Variants in NME7 observed in about 807,000 individuals in gnomAD.
NME7 encodes NME/NM23 family member 7, also known as nucleoside diphosphate kinase 7.
In NME7, 41 loss-of-function variants were observed where a neutral mutation model predicts 49.1. The observed-to-expected ratio is 0.83, with a 90% confidence interval of 0.65 to 1.08. The LOEUF (loss-of-function observed/expected upper bound fraction) is 1.08. Among genes scored for constraint, NME7 ranks in the 50% least tolerant of loss-of-function variants. The probability of loss-of-function intolerance (pLI) is 0.00; values close to 1 mark genes in which losing one functional copy is unlikely to be tolerated. For missense variants in NME7, 423 were observed against 463.4 expected, an observed-to-expected ratio of 0.91 and a Z score of 0.80; for synonymous variants, 139 against 150.6, an observed-to-expected ratio of 0.92 and a Z score of 0.56.
At chr1:169,137,548 C>T (rs1057303640) in intron 11 of NME7, among the ~76,000 whole-genome samples, 6 of 152,204 alleles carry the variant, frequency 3.9e-5, no homozygotes, top group African/African-American at 1.4e-4. Flanking sequence ...CCTGTGATGG[C>T]GCTCTGCAGC....
At chr1:169,288,664 C>A (rs1231980379) in intron 6 of NME7, among the ~76,000 whole-genome samples, 1 of 152,090 alleles carries the variant, frequency 6.6e-6, no homozygotes, top group Admixed American at 6.5e-5. Flanking sequence ...AGTGTATACA[C>A]CTGAGCATTT....
intron 1 of NME7, among the ~76,000 whole-genome samples, chr1:169,328,371 T>C (rs1652140487): frequency 6.6e-6 from 1 of 152,192 alleles, no homozygotes; most frequent in African/African-American, 2.4e-5. Flanking sequence ...TTCTGTTGCC[T>C]ATGTCTCCCA....
intron 7 of NME7, among the ~76,000 whole-genome samples, chr1:169,240,671 T>C (rs1421674272): frequency 6.6e-6 from 1 of 152,038 alleles, no homozygotes; most frequent in Non-Finnish European, 1.5e-5. Context: ...ATTTGGCAAA[T>C]ACCAGCTCAC....
intron 10 of NME7, among the ~76,000 whole-genome samples, chr1:169,207,140 G>A (rs1219794799): frequency 6.6e-6 from 1 of 152,128 alleles, no homozygotes; most frequent in Non-Finnish European, 1.5e-5. Context: ...TCTACTCATG[G>A]TGGAAGGTGA....
rs1463306379 is a variant in NME7, at chr1:169,274,199, C to T, written c.754+13104G>A. ...GGTATGTCATTGTGGTTTTGATTTG[C>T]ATTTCTCTGATGGCCAGTGATGATG... On this transcript the variant is annotated intron_variant, in intron 7 of 11. Coordinates refer to ENST00000367811, the MANE Select transcript of NME7 (RefSeq NM_013330.5). Among the ~76,000 whole-genome samples, 2 of 133,480 alleles carry T rather than the reference C, an allele frequency of 1.5e-5. 1 individual carries two copies. Among genetic ancestry groups the T allele is most frequent in the African/African-American group, 5.1e-5 (2 of 39,426 alleles). 87.6% of individuals were successfully genotyped at this position (133,480 alleles called of 152,430 possible).
At chr1:169,153,430 C>T (rs1271636455) in intron 11 of NME7, among the ~76,000 whole-genome samples, 1 of 152,100 alleles carries the variant, frequency 6.6e-6, no homozygotes, top group Admixed American at 6.6e-5. Flanking sequence ...CTCAATGTCT[C>T]CTAAAACCAG....
In NME7 at chr1:169,367,724, C is replaced by T; in HGVS notation, c.-14G>A. ...GGCACTCACCATTGTCTCAGGATCTCAGCACTAGAAAATAGGTATCGTTGA... is the reference window on the plus strand; with the variant it reads ...GGCACTCACCATTGTCTCAGGATCTTAGCACTAGAAAATAGGTATCGTTGA... On this transcript the variant is annotated 5_prime_UTR_variant, in exon 1 of 12. Transcript: ENST00000367811. 6.2e-7 allele frequency: 1 copy of T among 1,614,148 alleles called. No homozygotes were observed. The highest frequency in any genetic ancestry group is 8.5e-7 in the Non-Finnish European group (1 of 1,180,010).
intron 6 of NME7, among the ~76,000 whole-genome samples, chr1:169,294,859 C>T (rs1273003053): frequency 6.6e-6 from 1 of 152,106 alleles, no homozygotes; most frequent in African/African-American, 2.4e-5. Context: ...TTGTTCCTTC[C>T]AAATCTCACG....
chr1:169,156,809 A>G (rs1659089239), intron 11 of NME7, among the ~76,000 whole-genome samples: 1 of 152,216 alleles, frequency 6.6e-6, no homozygotes, highest in Admixed American at 6.5e-5. Flanking sequence ...AGATTCTTTT[A>G]TCTGAGAAAA....
At chr1:169,215,724 T>C (rs1660956380) in intron 10 of NME7, among the ~76,000 whole-genome samples, 1 of 152,130 alleles carries the variant, frequency 6.6e-6, no homozygotes, top group South Asian at 2.1e-4. Context: ...GGATAAGTGA[T>C]GAATGGTTAA....
In NME7 at chr1:169,280,671, A is replaced by G. The variant is rs1345151419; in HGVS notation, c.754+6632T>C. ...GGGGTCCAGTTTCAGTTTTCTGCATATGGCTAGCCAGTTTTCCCAACACTA... is the reference window on the plus strand; with the variant it reads ...GGGGTCCAGTTTCAGTTTTCTGCATGTGGCTAGCCAGTTTTCCCAACACTA... On this transcript the variant is annotated intron_variant, in intron 7 of 11. Transcript: ENST00000367811. Among the ~76,000 whole-genome samples, 9 of 147,886 alleles carry G rather than the reference A, an allele frequency of 6.1e-5. 1 individual carries two copies. Among genetic ancestry groups the G allele is most frequent in the Admixed American group, 6.0e-4 (9 of 14,914 alleles).
intron 7 of NME7, among the ~76,000 whole-genome samples, chr1:169,260,532 T>C (rs923015944): frequency 7.6e-6 from 1 of 131,592 alleles, no homozygotes; most frequent in African/African-American, 2.6e-5. Context: ...TCATGTGTTC[T>C]GAATCCTGGA....
chr1:169,228,041 T>TACACACAC lies in NME7; in HGVS notation c.990+2669_990+2676dup, dbSNP rs72257273. On this transcript the variant is annotated intron_variant, in intron 10 of 11. Coordinates refer to ENST00000367811, the MANE Select transcript of NME7 (RefSeq NM_013330.5). ...AAAAAAATATATAATTATGTGTGTA[T>TACACACAC]ACACACACACACACACACACACACA... Among the ~76,000 whole-genome samples, 568 of 147,122 alleles carry TACACACAC rather than the reference T, an allele frequency of 3.9e-3. 4 individuals carry two copies. The highest frequency in any genetic ancestry group is 0.017 in the East Asian group (83 of 4,890).
intron 6 of NME7, 112 bp downstream of exon 6, chr1:169,298,444 T>C (rs988659069): frequency 1.9e-6 from 2 of 1,046,932 alleles, no homozygotes; most frequent in African/African-American, 1.6e-5. Context: ...TCTCTACTAC[T>C]AGAGCAGCAG....
intron 10 of NME7, among the ~76,000 whole-genome samples, chr1:169,193,900 TAA>T (rs10550759): frequency 0.36 from 53,903 of 150,032 alleles, 10,347 homozygotes; most frequent in East Asian, 0.73. Flanking sequence ...TATCACTTGT[TAA>T]AAAAAAAGAA....
chr1:169,361,756 G>A (rs569292920), intron 1 of NME7, among the ~76,000 whole-genome samples: 102 of 151,490 alleles, frequency 6.7e-4, no homozygotes, highest in African/African-American at 2.3e-3. Flanking sequence ...CTCCACAGCC[G>A]GGTCGACAGA....
At chr1:169,135,014 CAAAAAAAAAAAAAAA>C (rs58463903) in intron 11 of NME7, among the ~76,000 whole-genome samples, 8 of 50,388 alleles carry the variant, frequency 1.6e-4, no homozygotes, top group Non-Finnish European at 1.5e-4. Context: ...CCCGTCTCTA[CAAAAAAAAAAAAAAA>C]AAAAAAAAAA....
rs1649429574 is a variant in NME7, at chr1:169,269,693, A to G, written c.754+17610T>C. On this transcript the variant is annotated intron_variant, in intron 7 of 11. Transcript: ENST00000367811. ...CAATTTCTAAAAGTGAGGACATGAT[A>G]AATAAGACCTAGCGCCTACCAGTCT... Among the ~76,000 whole-genome samples, 2 of 133,344 alleles carry G rather than the reference A, an allele frequency of 1.5e-5. 1 individual carries two copies. The highest frequency in any genetic ancestry group is 3.5e-5 in the Non-Finnish European group (2 of 56,838). The allele number at this position is 133,344 out of a possible 152,430, so 87.5% of individuals were successfully genotyped here.
At chr1:169,308,767 G>C (rs1372661140) in intron 4 of NME7, among the ~76,000 whole-genome samples, 1 of 152,164 alleles carries the variant, frequency 6.6e-6, no homozygotes, top group South Asian at 2.1e-4. Flanking sequence ...CTTACTTCAT[G>C]ATAGAAAGGG....
Sources: gnomAD v4.1 joint callset for allele counts (sites outside exome capture counted in the v4.1 genomes callset) on GRCh38, gnomAD v4.1.1 for gene constraint, MANE v1.5 for transcripts, NCBI Gene and HGNC (gene_info 2026-07-23, HGNC 2026-07-21) for gene names.